The following ZNF248 variants were observed in gnomAD, a reference collection of about 807,000 sequenced individuals.
ZNF248 encodes the protein zinc finger protein 248.
Under a neutral mutation model 44.3 loss-of-function variants are expected in ZNF248, and 20 were observed. The ratio of observed to expected loss-of-function variants is 0.45; its 90% CI spans 0.32 to 0.66. The LOEUF is 0.66. Ranked by LOEUF, ZNF248 falls within the 30% of genes least tolerant of loss-of-function variation. ZNF248 has a pLI of 0.04. For missense variants in ZNF248, 654 were observed against 677.0 expected, an observed-to-expected ratio of 0.97 and a Z score of 0.38; for synonymous variants, 224 against 229.0, an observed-to-expected ratio of 0.98 and a Z score of 0.20.
At chr10:37,857,852 C>A (rs1259565543), upstream of ZNF248, 7 of 152,502 alleles carry the variant, frequency 4.6e-5, no homozygotes, top group African/African-American at 1.7e-4. Flanking sequence ...GTTCCCACGC[C>A]AGACCTCATC....
chr10:37,783,368 A>G (rs1347018616), intron 6 of ZNF248, among the ~76,000 whole-genome samples: 1 of 152,240 alleles, frequency 6.6e-6, no homozygotes, highest in Non-Finnish European at 1.5e-5. Context: ...AAATTACCTC[A>G]AAATGGATAT....
intron 6 of ZNF248, chr10:37,795,632 T>C: frequency 6.6e-6 from 1 of 152,218 alleles, no homozygotes; most frequent in East Asian, 1.9e-4. Flanking sequence ...CTTTCCATTT[T>C]GATTGTATTC....
chr10:37,777,239 C>T (rs936559581), intron 6 of ZNF248, among the ~76,000 whole-genome samples: 1 of 152,112 alleles, frequency 6.6e-6, no homozygotes, highest in Non-Finnish European at 1.5e-5. Context: ...TGAAGTGGGC[C>T]AAACTGCAAC....
At chr10:37,817,469 C>T (rs1256560288) in intron 6 of ZNF248, among the ~76,000 whole-genome samples, 2 of 152,088 alleles carry the variant, frequency 1.3e-5, no homozygotes, top group Non-Finnish European at 2.9e-5. Flanking sequence ...AGACTCCAAG[C>T]CACAGTCTTC....
At chr10:37,800,661 T>C (rs1034003355) in intron 6 of ZNF248, among the ~76,000 whole-genome samples, 3 of 152,332 alleles carry the variant, frequency 2.0e-5, no homozygotes, top group Admixed American at 6.5e-5. Context: ...GGTAGAATGG[T>C]AGTTCTGTTT....
the ZNF248 span, among the ~76,000 whole-genome samples, chr10:37,768,063 CAAG>C: frequency 6.6e-6 from 1 of 152,218 alleles, no homozygotes; most frequent in Non-Finnish European, 1.5e-5. Flanking sequence ...ATCAATTCAA[CAAG>C]AAGAACTAAC....
chr10:37,781,760 A>C (rs566461443), intron 6 of ZNF248, among the ~76,000 whole-genome samples: 34 of 152,292 alleles, frequency 2.2e-4, no homozygotes, highest in African/African-American at 7.9e-4. Context: ...TGTAGCTCTA[A>C]AGGCTTATTA....
chr10:37,811,626 A>G (rs1589323295), intron 6 of ZNF248, among the ~76,000 whole-genome samples: 1 of 149,798 alleles, frequency 6.7e-6, no homozygotes, highest in Non-Finnish European at 1.5e-5. Flanking sequence ...CTTGAGCCCA[A>G]GAGTTCAAGA....
chr10:37,829,659 C>T lies in ZNF248; in HGVS notation c.*1956G>A. The T allele has an allele frequency of 1.0e-6, 1 of 985,344 alleles. No individual in the cohort carries two copies. Among genetic ancestry groups the T allele is most frequent in the Non-Finnish European group, 1.2e-6 (1 of 829,930 alleles). The allele number at this position is 985,344 out of a possible 1,614,324, so 61.0% of individuals were successfully genotyped here. A position where few individuals can be genotyped will look rare whatever the true frequency, so the allele number is the denominator to read the frequency against. On this transcript the variant is annotated 3_prime_UTR_variant, in exon 6 of 6. Coordinates refer to ENST00000395867, the MANE Select transcript of ZNF248 (RefSeq NM_021045.3). Reference sequence around the variant, plus strand: ...TCACCTCTGAGCTGGCTTTTCCCACCTTGTGCACTGTTATCTTCAGGCTAC... The same window carrying T: ...TCACCTCTGAGCTGGCTTTTCCCACTTTGTGCACTGTTATCTTCAGGCTAC...
chr10:37,804,112 T>C (rs570635938), intron 6 of ZNF248, among the ~76,000 whole-genome samples: 19 of 148,636 alleles, frequency 1.3e-4, no homozygotes, highest in Middle Eastern at 3.2e-3. Context: ...TTTTTTTTTT[T>C]TTTTTTTTGA....
chr10:37,824,290 G>T (rs954295842), downstream of ZNF248, among the ~76,000 whole-genome samples: 2 of 152,152 alleles, frequency 1.3e-5, no homozygotes, highest in Non-Finnish European at 2.9e-5. Flanking sequence ...TCAGTTGGAT[G>T]AGTCCCACCC....
At chr10:37,763,628 T>G in the ZNF248 span, among the ~76,000 whole-genome samples, 1 of 152,332 alleles carries the variant, frequency 6.6e-6, no homozygotes, top group Non-Finnish European at 1.5e-5. Flanking sequence ...AAGTAAGGAT[T>G]TTAATGTTTG....
At chr10:37,770,372 T>A in the ZNF248 span, among the ~76,000 whole-genome samples, 2 of 152,268 alleles carry the variant, frequency 1.3e-5, no homozygotes, top group East Asian at 1.9e-4. Context: ...GACTTCAAAC[T>A]ATACTACAAG....
At chr10:37,780,797 G>T (rs1006410692) in intron 6 of ZNF248, among the ~76,000 whole-genome samples, 2 of 152,144 alleles carry the variant, frequency 1.3e-5, no homozygotes, top group Admixed American at 6.5e-5. Flanking sequence ...AGCCGCGCGG[G>T]ACCCTGGTCC....
At position 37,856,453 on chromosome 10, in the gene ZNF248, G is replaced by T. The variant is rs570863131; in HGVS notation, c.-46C>A. 31 of 1,410,428 alleles carry T rather than the reference G, an allele frequency of 2.2e-5. No individual in the cohort carries two copies. In the East Asian group the frequency reaches 3.8e-4, roughly 17 times the overall value. 87.4% of individuals were successfully genotyped at this position (1,410,428 alleles called of 1,614,324 possible). A position where few individuals can be genotyped will look rare whatever the true frequency, so the allele number is the denominator to read the frequency against. On this transcript the variant is annotated 5_prime_UTR_variant, in exon 2 of 6. Coordinates refer to ENST00000395867, the MANE Select transcript of ZNF248 (RefSeq NM_021045.3). ...TACTTACGTGTCCATGTGTGGCTCC[G>T]ATATATGCTGAGCTCAGACATGACA... is the stretch of plus-strand genomic sequence containing the variant.
intron 6 of ZNF248, among the ~76,000 whole-genome samples, chr10:37,813,988 T>C (rs563737131): frequency 5.0e-4 from 76 of 152,366 alleles, no homozygotes; most frequent in Non-Finnish European, 7.8e-4. Flanking sequence ...CTGATTTTGA[T>C]TGAAGAATTT....
Position 37,832,660 on chromosome 10 carries a change from T to C in ZNF248, c.695A>G (p.Asn232Ser). 6.2e-7 allele frequency: 1 copy of C among 1,613,384 alleles called. No homozygotes were observed. The highest frequency in any genetic ancestry group is 8.5e-7 in the Non-Finnish European group (1 of 1,179,886). The change falls in exon 6 of 6, where the codon AAT becomes AGT. Residue 232 changes from asparagine to serine, a missense_variant. Transcript: ENST00000395867. ...TGTCTCTCCTATCTGAGATCTCTTATTTGTAAAAAATGCTGCCTCATCATG... is the reference window on the plus strand; with the variant it reads ...TGTCTCTCCTATCTGAGATCTCTTACTTGTAAAAAATGCTGCCTCATCATG... ...GFHDEAAFFT[N>S]KRSQIGETVC...
chr10:37,768,864 T>C, the ZNF248 span, among the ~76,000 whole-genome samples: 1 of 151,932 alleles, frequency 6.6e-6, no homozygotes, highest in Non-Finnish European at 1.5e-5. Flanking sequence ...ACAAAATAGA[T>C]AGACTGCTAG....
chr10:37,837,257 G>A (rs959463870), intron 5 of ZNF248, among the ~76,000 whole-genome samples: 1 of 152,046 alleles, frequency 6.6e-6, no homozygotes, highest in African/African-American at 2.4e-5. Flanking sequence ...GGGACTACAG[G>A]CAGCTACCAC....
Sources: gnomAD v4.1 joint callset for allele counts (sites outside exome capture counted in the v4.1 genomes callset) on GRCh38, gnomAD v4.1.1 for gene constraint, MANE v1.5 for transcripts, NCBI Gene and HGNC (gene_info 2026-07-23, HGNC 2026-07-21) for gene names.